Variants in SORCS1 observed in about 807,000 individuals in gnomAD.
SORCS1 encodes the protein VPS10 domain-containing receptor SorCS1.
A neutral mutation model predicts 146.1 loss-of-function variants in SORCS1; 60 were observed. The ratio of observed to expected loss-of-function variants is 0.41; its 90% CI spans 0.33 to 0.51. The LOEUF (loss-of-function observed/expected upper bound fraction) is 0.51. Ranked by LOEUF, SORCS1 falls within the 20% of genes least tolerant of loss-of-function variation. The probability of loss-of-function intolerance (pLI) is 0.21; values close to 1 mark genes in which losing one functional copy is unlikely to be tolerated. For synonymous variants in SORCS1, 637 were observed against 584.0 expected, an observed-to-expected ratio of 1.09 and a Z score of -1.31; for missense variants, 1,352 against 1,487.6, an observed-to-expected ratio of 0.91 and a Z score of 1.50.
intron 18 of SORCS1, among the ~76,000 whole-genome samples, chr10:106,632,503 A>G (rs994543778): frequency 6.6e-6 from 1 of 152,316 alleles, no homozygotes; most frequent in Admixed American, 6.5e-5. Context: ...AAGGGAAGGC[A>G]GCCCAAGTCC....
Position 106,652,474 on chromosome 10 carries a change from T to G in SORCS1, c.2383A>C (p.Lys795Gln), listed in dbSNP as rs1342617407. The G allele has an allele frequency of 2.5e-6, 4 of 1,614,114 alleles. No homozygotes were observed. Among genetic ancestry groups the G allele is most frequent in the Non-Finnish European group, 3.4e-6 (4 of 1,179,998 alleles). The change falls in exon 18 of 26, where the codon AAA becomes CAA. Residue 795 changes from lysine (K) to glutamine (Q), a missense_variant. Physicochemically the swap from Lys to Gln is moderately conservative, Grantham distance 53 (BLOSUM62 1). Coordinates refer to ENST00000263054, the MANE Select transcript of SORCS1 (RefSeq NM_052918.5). ...ACTATCCGCAGCCCCCGCGGGGCTTTCCCTGGGCACTTCTGCGGTTTGGCA... is the reference window on the plus strand; with the variant it reads ...ACTATCCGCAGCCCCCGCGGGGCTTGCCCTGGGCACTTCTGCGGTTTGGCA... ...YTAKPQKCPG[K>Q]APRGLRIVTA...
intron 2 of SORCS1, among the ~76,000 whole-genome samples, chr10:106,867,888 G>A (rs763667052): frequency 6.6e-6 from 1 of 152,104 alleles, no homozygotes; most frequent in African/African-American, 2.4e-5. Context: ...CTGGCTAAAT[G>A]CCCCACTTTA....
At chr10:106,773,189 T>C (rs1589846301) in intron 4 of SORCS1, among the ~76,000 whole-genome samples, 1 of 152,178 alleles carries the variant, frequency 6.6e-6, no homozygotes, top group Admixed American at 6.5e-5. Context: ...GCAGTGACAT[T>C]AGCAGCTGTC....
intron 1 of SORCS1, among the ~76,000 whole-genome samples, chr10:106,989,680 G>GTTTTGTTTTTTTTT (rs1956675109): frequency 1.4e-5 from 1 of 70,360 alleles, no homozygotes; most frequent in African/African-American, 5.4e-5. Context: ...GTTTTTTTTT[G>GTTTTGTTTTTTTTT]TTTTTTTTTT....
rs751570211 is a variant in SORCS1 at position 106,675,196 on chromosome 10, G to GA, written c.1833-41dup. 1,521 of 1,391,040 alleles carry GA rather than the reference G, an allele frequency of 1.1e-3. 1 individual carries two copies. The highest frequency in any genetic ancestry group is 1.3e-3 in the South Asian group (98 of 78,396). 86.2% of individuals were successfully genotyped at this position (1,391,040 alleles called of 1,614,324 possible). A position where few individuals can be genotyped will look rare whatever the true frequency, so the allele number is the denominator to read the frequency against. ...AATATCAGTCATCAGATCTCCAAAG[G>GA]AAAAAAAAATGTCATTTCAAAGGAA... On this transcript the variant is annotated intron_variant, in intron 13 of 25. Coordinates refer to ENST00000263054, the MANE Select transcript of SORCS1 (RefSeq NM_052918.5).
chr10:106,643,447 C>A (rs1849203117), intron 18 of SORCS1, among the ~76,000 whole-genome samples: 1 of 152,218 alleles, frequency 6.6e-6, no homozygotes, highest in African/African-American at 2.4e-5. Context: ...AATTGAGGGT[C>A]TTTTTCTGCA....
chr10:106,990,485 G>A (rs1367078015), intron 1 of SORCS1, among the ~76,000 whole-genome samples: 1 of 151,922 alleles, frequency 6.6e-6, no homozygotes, highest in African/African-American at 2.4e-5. Flanking sequence ...GGCCAGGCTG[G>A]TCTCGAACTC....
Position 107,144,016 on chromosome 10 carries a change from G to A in SORCS1, c.558+19953C>T, listed in dbSNP as rs183827519. 2.1e-3 allele frequency among the ~76,000 whole-genome samples: 313 copies of A among 151,996 alleles called. 1 individual carries two copies. The highest frequency in any genetic ancestry group is 6.6e-3 in the African/African-American group (275 of 41,442). ...AGCCTCATCTCCCATCCCATCTTCC[G>A]CTCTGTATTCTCCCTTCCTTTCATG... On this transcript the variant is annotated intron_variant, in intron 1 of 25. Coordinates refer to ENST00000263054, the MANE Select transcript of SORCS1 (RefSeq NM_052918.5).
At chr10:107,034,093 A>C (rs1792194205) in intron 1 of SORCS1, among the ~76,000 whole-genome samples, 1 of 152,244 alleles carries the variant, frequency 6.6e-6, no homozygotes, top group Admixed American at 6.5e-5. Flanking sequence ...GACAGCTTGG[A>C]GAGAACAGAG....
intron 2 of SORCS1, among the ~76,000 whole-genome samples, chr10:106,924,185 T>C (rs1589715422): frequency 6.8e-6 from 1 of 148,148 alleles, no homozygotes; most frequent in Non-Finnish European, 1.5e-5. Context: ...ACCCGGGAGG[T>C]GGAGGTTGCA....
intron 2 of SORCS1, among the ~76,000 whole-genome samples, chr10:106,955,602 T>C (rs2138978511): frequency 6.6e-6 from 1 of 152,310 alleles, no homozygotes; most frequent in African/African-American, 2.4e-5. Flanking sequence ...ACAGTGTGAA[T>C]CCCAAAGATA....
At chr10:106,637,981 G>A (rs1351261324) in intron 18 of SORCS1, among the ~76,000 whole-genome samples, 2 of 152,142 alleles carry the variant, frequency 1.3e-5, no homozygotes, top group African/African-American at 2.4e-5. Flanking sequence ...AAGACAGGAG[G>A]AATACTTAGC....
At chr10:106,800,539 TAAGATGGAGTCTTGCTC>T (rs1946814142) in intron 3 of SORCS1, among the ~76,000 whole-genome samples, 1 of 122,366 alleles carries the variant, frequency 8.2e-6, no homozygotes, top group African/African-American at 3.1e-5. Context: ...TTTTTTTTTT[TAAGATGGAGTCTTGCTC>T]TGTTGCCTAG....
chr10:106,910,266 G>A (rs1337502801), intron 2 of SORCS1, among the ~76,000 whole-genome samples: 2 of 149,934 alleles, frequency 1.3e-5, no homozygotes, highest in Admixed American at 6.7e-5. Flanking sequence ...ACAATTCTAT[G>A]CCTCCGTCTC....
At chr10:106,727,941 T>A (rs1856319590) in intron 6 of SORCS1, among the ~76,000 whole-genome samples, 1 of 152,192 alleles carries the variant, frequency 6.6e-6, no homozygotes, top group Admixed American at 6.5e-5. Context: ...CAGACTAAGA[T>A]TAGGCTGAGG....
chr10:107,016,847 GAA>G (rs1160086152), intron 1 of SORCS1, among the ~76,000 whole-genome samples: 1 of 152,066 alleles, frequency 6.6e-6, no homozygotes, highest in African/African-American at 2.4e-5. Context: ...GCCTAACAGA[GAA>G]AAAAGAGGGC....
chr10:107,143,977 C>T (rs1343658800), intron 1 of SORCS1, among the ~76,000 whole-genome samples: 2 of 151,910 alleles, frequency 1.3e-5, no homozygotes, highest in Non-Finnish European at 2.9e-5. Flanking sequence ...TGTAAGATGC[C>T]AGTTTTTCTC....
At chr10:106,774,426 AGTGTGTGTGTGTGT>A (rs3045083) in intron 4 of SORCS1, among the ~76,000 whole-genome samples, 3 of 147,620 alleles carry the variant, frequency 2.0e-5, no homozygotes, top group Non-Finnish European at 4.5e-5. Context: ...TAGGTTCCAA[AGTGTGTGTGTGTGT>A]GTGTGTGTGT....
intron 1 of SORCS1, among the ~76,000 whole-genome samples, chr10:107,062,356 C>T (rs1044105046): frequency 6.6e-6 from 1 of 151,980 alleles, no homozygotes; most frequent in Non-Finnish European, 1.5e-5. Context: ...TCAACCACAA[C>T]ATGGCAGAGG....
Sources: allele counts gnomAD v4.1 joint callset (sites outside exome capture counted in the v4.1 genomes callset), GRCh38; gene constraint gnomAD v4.1.1; transcripts MANE v1.5; gene names NCBI Gene and HGNC (gene_info 2026-07-23, HGNC 2026-07-21).